ZNF565: variants seen among roughly 807,000 people sequenced by gnomAD.
ZNF565 encodes the protein zinc finger protein 565.
A neutral mutation model predicts 39.4 loss-of-function variants in ZNF565; 27 were observed. The ratio of observed to expected loss-of-function variants is 0.69; its 90% CI spans 0.51 to 0.95. The LOEUF (loss-of-function observed/expected upper bound fraction) is 0.95. ZNF565 is among the 40% of genes least tolerant of loss of function. ZNF565 has a pLI of 0.00. For synonymous variants in ZNF565, 185 were observed against 216.6 expected (o/e 0.85, Z 1.28); for missense variants, 524 against 621.1 (o/e 0.84, Z 1.66).
chr19:36,241,657 T>C (rs558960762), intron 1 of ZNF565, among the ~76,000 whole-genome samples: 11 of 150,820 alleles, frequency 7.3e-5, no homozygotes, highest in Non-Finnish European at 1.6e-4. Context: ...CTGGGCGTGG[T>C]AGTGGACACC....
chr19:36,205,058 C>A (rs910152294), intron 1 of ZNF565, among the ~76,000 whole-genome samples: 3 of 152,096 alleles, frequency 2.0e-5, no homozygotes, highest in African/African-American at 7.2e-5. Context: ...TGGGTCTGAT[C>A]ATCACTCTAA....
upstream of ZNF565, among the ~76,000 whole-genome samples, chr19:36,217,296 CA>C (rs1167751920): frequency 6.6e-6 from 1 of 151,592 alleles, no homozygotes; most frequent in Non-Finnish European, 1.5e-5. Flanking sequence ...CTCTTGACCT[CA>C]AGTGATCGGC....
At chr19:36,210,419 CAAAAAAAA>C (rs35345882) in intron 1 of ZNF565, among the ~76,000 whole-genome samples, 1 of 67,030 alleles carries the variant, frequency 1.5e-5, no homozygotes, top group Non-Finnish European at 2.7e-5. Flanking sequence ...AATTCTGTCT[CAAAAAAAA>C]AAAAAAAAAA....
At chr19:36,203,091 T>C (rs1976022814) in intron 1 of ZNF565, among the ~76,000 whole-genome samples, 1 of 152,008 alleles carries the variant, frequency 6.6e-6, no homozygotes, top group African/African-American at 2.4e-5. Flanking sequence ...TCCCAGCACT[T>C]TGGGAGGCCA....
intron 1 of ZNF565, among the ~76,000 whole-genome samples, chr19:36,231,363 C>T (rs1469062332): frequency 6.6e-6 from 1 of 152,118 alleles, no homozygotes; most frequent in African/African-American, 2.4e-5. Context: ...GTGCCCACCA[C>T]CACACCCGGC....
chr19:36,201,635 C>T (rs556460882), intron 2 of ZNF565, among the ~76,000 whole-genome samples: 2 of 151,940 alleles, frequency 1.3e-5, no homozygotes, highest in Non-Finnish European at 2.9e-5. Context: ...GTACCATGCC[C>T]GGCTAATTTT....
intron 1 of ZNF565, among the ~76,000 whole-genome samples, chr19:36,243,789 C>T (rs1005897525): frequency 6.6e-6 from 1 of 151,940 alleles, no homozygotes; most frequent in Admixed American, 6.6e-5. Context: ...GCAGCCTTGA[C>T]CCCTTGGGCT....
upstream of ZNF565, among the ~76,000 whole-genome samples, chr19:36,216,550 G>GCGGAGGCTGAGGCAGGAAAAT (rs11268113): frequency 0.37 from 56,178 of 151,200 alleles, 10,648 homozygotes; most frequent in South Asian, 0.49. Context: ...CTGAGCTACC[G>GCGGAGGCTGAGGCAGGAAAAT]CGGAGGCTGA....
intron 1 of ZNF565, among the ~76,000 whole-genome samples, chr19:36,240,896 A>G (rs1051894874): frequency 6.6e-6 from 1 of 151,786 alleles, no homozygotes; most frequent in Non-Finnish European, 1.5e-5. Context: ...ATGTCCATGA[A>G]GTCTCCACTT....
chr19:36,243,215 G>T (rs1977828241), intron 1 of ZNF565, among the ~76,000 whole-genome samples: 1 of 152,026 alleles, frequency 6.6e-6, no homozygotes, highest in Non-Finnish European at 1.5e-5. Flanking sequence ...TGTATTTTTA[G>T]TAGAGATGGA....
intron 4 of ZNF565, 40 bp downstream of exon 4, chr19:36,194,193 A>T: frequency 6.4e-7 from 1 of 1,553,326 alleles, no homozygotes; most frequent in Non-Finnish European, 8.8e-7. Flanking sequence ...CAGTCGACTC[A>T]TCCAGGGACC....
chr19:36,242,606 T>A (rs1977819474), intron 1 of ZNF565, among the ~76,000 whole-genome samples: 1 of 151,596 alleles, frequency 6.6e-6, no homozygotes, highest in Non-Finnish European at 1.5e-5. Flanking sequence ...GTGCCTCTCA[T>A]CCCAGCTACT....
chr19:36,234,141 C>T (rs374173415), intron 1 of ZNF565, among the ~76,000 whole-genome samples: 19 of 152,288 alleles, frequency 1.2e-4, no homozygotes, highest in East Asian at 5.8e-4. Context: ...TCCTGCACAG[C>T]CCTTAATCCA....
chr19:36,196,951 G>A (rs1975781985), intron 2 of ZNF565, among the ~76,000 whole-genome samples: 3 of 152,152 alleles, frequency 2.0e-5, no homozygotes, highest in African/African-American at 7.2e-5. Context: ...AGGTACTTGA[G>A]GGGCTGAGGC....
chr19:36,203,034 T>C (rs569914103), intron 1 of ZNF565, among the ~76,000 whole-genome samples: 1 of 152,164 alleles, frequency 6.6e-6, no homozygotes, highest in Non-Finnish European at 1.5e-5. Context: ...ACTGCTTTCA[T>C]TCTTTTTTAA....
intron 1 of ZNF565, among the ~76,000 whole-genome samples, chr19:36,240,869 C>CA (rs72407392): frequency 0.03 from 4,049 of 134,842 alleles, 167 homozygotes; most frequent in African/African-American, 0.089. Flanking sequence ...GACTCTATCT[C>CA]AAAAAAAAAA....
upstream of ZNF565, among the ~76,000 whole-genome samples, chr19:36,216,738 T>C (rs1176258402): frequency 1.3e-5 from 2 of 152,028 alleles, no homozygotes; most frequent in Non-Finnish European, 2.9e-5. Context: ...CTAGACTTAC[T>C]ATGGAAAGAG....
intron 1 of ZNF565, among the ~76,000 whole-genome samples, chr19:36,233,203 T>C (rs541127650): frequency 6.6e-6 from 1 of 152,164 alleles, no homozygotes; most frequent in African/African-American, 2.4e-5. Context: ...GCCAACATAG[T>C]GAAATCCTGT....
chr19:36,231,587 T>G (rs1301914049), intron 1 of ZNF565, among the ~76,000 whole-genome samples: 3 of 152,174 alleles, frequency 2.0e-5, no homozygotes, highest in African/African-American at 7.2e-5. Flanking sequence ...CTTACACAAC[T>G]TTACCTGTTT....
Sources: allele counts gnomAD v4.1 joint callset (sites outside exome capture counted in the v4.1 genomes callset), GRCh38; gene constraint gnomAD v4.1.1; transcripts MANE v1.5; gene names NCBI Gene and HGNC (gene_info 2026-07-23, HGNC 2026-07-21).